The following KIDINS220 variants were observed in gnomAD, a reference collection of about 807,000 sequenced individuals.
KIDINS220 encodes the protein kinase D-interacting substrate of 220 kDa.
Under a neutral mutation model 157.6 loss-of-function variants are expected in KIDINS220, and 63 were observed. The ratio of observed to expected loss-of-function variants is 0.40; its 90% CI spans 0.33 to 0.49. The LOEUF (loss-of-function observed/expected upper bound fraction) is 0.49. Among genes scored for constraint, KIDINS220 ranks in the 20% least tolerant of loss-of-function variants. KIDINS220 has a pLI of 0.66. For missense variants in KIDINS220, 1,772 were observed against 2,171.2 expected, an observed-to-expected ratio of 0.82 and a Z score of 3.65; for synonymous variants, 732 against 783.6, an observed-to-expected ratio of 0.93 and a Z score of 1.10.
rs545472585 is a variant in KIDINS220, at chr2:8,737,663, A to C, written c.3586-664T>G. Among the ~76,000 whole-genome samples the C allele has an allele frequency of 4.6e-5, 7 of 152,358 alleles. No homozygotes were observed. The East Asian group carries it at 1.3e-3, about 29-fold the overall frequency. On this transcript the variant is annotated intron_variant, in intron 26 of 29. Transcript: ENST00000256707. ...TTAAAAGGAAAGTCAAAATAATTAAAAAGTCTAGTATTTATTTAGAAGAAA... is the reference window on the plus strand; with the variant it reads ...TTAAAAGGAAAGTCAAAATAATTAACAAGTCTAGTATTTATTTAGAAGAAA...
intron 21 of KIDINS220, among the ~76,000 whole-genome samples, chr2:8,773,765 C>T (rs1670560845): frequency 6.6e-6 from 1 of 152,140 alleles, no homozygotes; most frequent in Admixed American, 6.5e-5. Flanking sequence ...AGCCGGTGCG[C>T]CCAGCCAGTG....
rs1664452957 is a variant in KIDINS220, at chr2:8,733,627, G to C, written c.3870C>G (p.Phe1290Leu). 1 of 1,608,864 alleles carries C rather than the reference G, an allele frequency of 6.2e-7. No homozygotes were observed. Among genetic ancestry groups the C allele is most frequent in the South Asian group, 1.1e-5 (1 of 90,708 alleles). ...CTGGGCCACTGCTGCTCTCACTGAG[G>C]AAACGTGGGTCTTCAGGGACCACGT... ...ESHVVPEDPR[F>L]LSESSSGPAP... The change falls in exon 29 of 30, where the codon TTC (phenylalanine) becomes TTG (leucine). Residue 1290 changes from phenylalanine (F) to leucine (L), a missense_variant. By Grantham distance (22) the Phe-to-Leu change is conservative. Around this residue, in one of 3 missense-constraint regions of KIDINS220, gnomAD observed 793 missense variants for 885.5 expected, o/e 0.90. Coordinates refer to ENST00000256707, the MANE Select transcript of KIDINS220 (RefSeq NM_020738.4).
At chr2:8,749,171 A>G (rs1217178897) in intron 24 of KIDINS220, among the ~76,000 whole-genome samples, 1 of 152,202 alleles carries the variant, frequency 6.6e-6, no homozygotes, top group Non-Finnish European at 1.5e-5. Flanking sequence ...TTATATGGCC[A>G]CCATTTTTCA....
chr2:8,809,275 C>A (rs1477365077), intron 6 of KIDINS220, among the ~76,000 whole-genome samples: 1 of 152,158 alleles, frequency 6.6e-6, no homozygotes, highest in Non-Finnish European at 1.5e-5. Flanking sequence ...CCTGCCTCGG[C>A]CTCCCAAAGT....
intron 1 of KIDINS220, among the ~76,000 whole-genome samples, chr2:8,837,145 G>GC (rs1558520268): frequency 6.6e-6 from 1 of 152,130 alleles, no homozygotes; most frequent in South Asian, 2.1e-4. Flanking sequence ...ATGTGCCAGA[G>GC]GCTGCTTGGC....
chr2:8,779,337 C>T (rs1671387865), intron 18 of KIDINS220, among the ~76,000 whole-genome samples, 198 bp from the exon 19 acceptor site: 1 of 152,146 alleles, frequency 6.6e-6, no homozygotes, highest in Non-Finnish European at 1.5e-5. Context: ...ATAGATAAAA[C>T]CTGCAAAGAA....
intron 6 of KIDINS220, among the ~76,000 whole-genome samples, chr2:8,810,461 G>A (rs1253388635): frequency 6.6e-6 from 1 of 152,162 alleles, no homozygotes; most frequent in Non-Finnish European, 1.5e-5. Context: ...TAGGCAAGAA[G>A]GATAAAATAA....
Position 8,776,823 on chromosome 2 carries a change from G to A in KIDINS220, c.2773C>T (p.Leu925=). ...TCACTGAACCAGTCCTCGGTAACCA[G>A]CAGTTTTGTAAGATCAAAGGACATC... ...RQMSFDLTKL[L]VTEDWFSDIS... is the part of the protein sequence containing the mutation. Residue 925 remains leucine (L), a synonymous_variant, in exon 21 of 30, where the codon CTG becomes TTG. Coordinates refer to ENST00000256707, the MANE Select transcript of KIDINS220 (RefSeq NM_020738.4). 2 of 1,613,998 alleles carry A rather than the reference G, an allele frequency of 1.2e-6. No individual in the cohort carries two copies. Among genetic ancestry groups the A allele is most frequent in the Non-Finnish European group, 1.7e-6 (2 of 1,179,916 alleles).
chr2:8,738,145 GATAAA>G (rs1665145889), intron 26 of KIDINS220, among the ~76,000 whole-genome samples: 1 of 152,110 alleles, frequency 6.6e-6, no homozygotes, highest in African/African-American at 2.4e-5. Flanking sequence ...ATGCCTCATA[GATAAA>G]ATAAATTTCC....
rs1664429419 is a variant in KIDINS220 at position 8,733,513 on chromosome 2, G to A, written c.3984C>T (p.Phe1328=). 1 of 1,614,086 alleles carries A rather than the reference G, an allele frequency of 6.2e-7. No homozygotes were observed. Among genetic ancestry groups the A allele is most frequent in the African/African-American group, 1.3e-5 (1 of 74,946 alleles). The change falls in exon 29 of 30, where the codon TTC becomes TTT. Residue 1328 remains phenylalanine, a synonymous_variant. Transcript: ENST00000256707. ...CAAGCGTGTTCAGCTCTTCGAAGCT[G>A]AAGTTGAGTGTGTAGGGCGTCTGGC... The part of the protein sequence containing the change: ...LSSQTPYTLN[F]SFEELNTLGL...
chr2:8,782,174 T>C (rs897305314), intron 17 of KIDINS220, among the ~76,000 whole-genome samples: 3 of 151,220 alleles, frequency 2.0e-5, no homozygotes, highest in African/African-American at 7.3e-5. Flanking sequence ...CTCAGGAAAC[T>C]AGAAAAAGAG....
chr2:8,798,652 G>C (rs977304677), intron 9 of KIDINS220, among the ~76,000 whole-genome samples: 2 of 152,214 alleles, frequency 1.3e-5, no homozygotes, highest in African/African-American at 4.8e-5. Flanking sequence ...ATTTTCATCT[G>C]TAACATGCTG....
intron 1 of KIDINS220, among the ~76,000 whole-genome samples, chr2:8,832,329 AATGTC>A (rs1216518089): frequency 6.6e-6 from 1 of 152,224 alleles, no homozygotes; most frequent in African/African-American, 2.4e-5. Context: ...TTGATTATTA[AATGTC>A]ATAAGATGTT....
chr2:8,805,822 G>A (rs887183780), intron 7 of KIDINS220, among the ~76,000 whole-genome samples: 8 of 152,104 alleles, frequency 5.3e-5, no homozygotes, highest in African/African-American at 9.7e-5. Context: ...TATTCAGTAC[G>A]GTAACACACT....
chr2:8,726,836 C>T, downstream of KIDINS220: 1 of 952,306 alleles, frequency 1.1e-6, no homozygotes, highest in South Asian at 1.3e-5. Context: ...CCAAAACGTC[C>T]TAACGTGGCA....
intron 22 of KIDINS220, among the ~76,000 whole-genome samples, chr2:8,752,710 TA>T (rs1379211940): frequency 6.6e-6 from 1 of 151,872 alleles, no homozygotes; most frequent in South Asian, 2.1e-4. Flanking sequence ...TTACACAGAT[TA>T]AAAAAAAGCT....
chr2:8,785,160 T>G (rs1672226832), intron 17 of KIDINS220, among the ~76,000 whole-genome samples: 1 of 152,166 alleles, frequency 6.6e-6, no homozygotes, highest in South Asian at 2.1e-4. Context: ...CTGAAAAGAC[T>G]ACACATGTAT....
At position 8,790,024 on chromosome 2, in the gene KIDINS220, G is replaced by A; in HGVS notation, c.1477C>T (p.Pro493Ser). 1 of 1,604,102 alleles carries A rather than the reference G, an allele frequency of 6.2e-7. No homozygotes were observed. The highest frequency in any genetic ancestry group is 2.2e-5 in the East Asian group (1 of 44,814). Residue 493 changes from proline (P) to serine (S), a missense_variant, in exon 14 of 30, where the codon CCT (proline) becomes TCT (serine). Transcript: ENST00000256707. Reference sequence around the variant, plus strand: ...ATGAGCCATGAGAACTGAAAGAGAGGCTCAATCTGTTGTCCGGCGAAGGTT... The same window carrying A: ...ATGAGCCATGAGAACTGAAAGAGAGACTCAATCTGTTGTCCGGCGAAGGTT... The part of the protein sequence containing the change: ...MKTFAGQQIE[P>S]LFQFSWLIVF...
chr2:8,790,474 T>C (rs1673037594), intron 13 of KIDINS220, among the ~76,000 whole-genome samples: 1 of 152,206 alleles, frequency 6.6e-6, no homozygotes, highest in South Asian at 2.1e-4. Context: ...TCCACTGTGA[T>C]CCTTCTCATC....
Sources: allele counts gnomAD v4.1 joint callset (sites outside exome capture counted in the v4.1 genomes callset), GRCh38; gene constraint gnomAD v4.1.1; regional missense constraint gnomAD v4.1.1; transcripts MANE v1.5; gene names NCBI Gene and HGNC (gene_info 2026-07-23, HGNC 2026-07-21).